HS3ST4: variants seen among roughly 807,000 people sequenced by gnomAD.
HS3ST4 encodes the protein heparan sulfate glucosamine 3-O-sulfotransferase 4.
A neutral mutation model predicts 29.2 loss-of-function variants in HS3ST4; 17 were observed. That is an observed-to-expected ratio of 0.58 (90% CI 0.40 to 0.87). The LOEUF (loss-of-function observed/expected upper bound fraction) is 0.87. Ranked by LOEUF, HS3ST4 falls within the 40% of genes least tolerant of loss-of-function variation. The pLI, the probability that HS3ST4 is intolerant of heterozygous loss-of-function variation, is 0.00. For missense variants in HS3ST4, 627 were observed against 634.5 expected (o/e 0.99, Z 0.13); for synonymous variants, 314 against 285.7 (o/e 1.10, Z -1.00).
intron 1 of HS3ST4, among the ~76,000 whole-genome samples, chr16:25,957,508 C>T (rs1968748767): frequency 1.3e-5 from 2 of 152,142 alleles, no homozygotes; most frequent in Admixed American, 6.5e-5. Context: ...ACCTCTGCCT[C>T]CTGGGTTCAA....
At chr16:25,820,108 A>G (rs8050121) in intron 1 of HS3ST4, among the ~76,000 whole-genome samples, 38,606 of 147,834 alleles carry the variant, frequency 0.26, 5,492 homozygotes, top group African/African-American at 0.31. Context: ...GAATGTGTAG[A>G]TCTCTAGAAA....
intron 1 of HS3ST4, among the ~76,000 whole-genome samples, chr16:26,027,042 T>C (rs1332110638): frequency 1.3e-5 from 2 of 152,346 alleles, no homozygotes; most frequent in Non-Finnish European, 2.9e-5. Flanking sequence ...AGAGTACCCC[T>C]GCTTATAAAT....
chr16:25,704,577 A>T (rs929560158), intron 1 of HS3ST4, among the ~76,000 whole-genome samples: 1 of 152,076 alleles, frequency 6.6e-6, no homozygotes, highest in Admixed American at 6.6e-5. Flanking sequence ...TCCTGCCTCT[A>T]GTAGCTGGAC....
intron 1 of HS3ST4, among the ~76,000 whole-genome samples, chr16:25,711,754 A>G (rs1001297919): frequency 1.7e-4 from 26 of 152,166 alleles, no homozygotes; most frequent in Non-Finnish European, 3.1e-4. Flanking sequence ...TCTGGAGTGG[A>G]AAAGCTTACG....
chr16:26,049,637 G>A (rs1421693046), intron 1 of HS3ST4, among the ~76,000 whole-genome samples: 1 of 151,980 alleles, frequency 6.6e-6, no homozygotes, highest in Non-Finnish European at 1.5e-5. Flanking sequence ...TTCTGCAGTG[G>A]ACACCAACTG....
intron 1 of HS3ST4, among the ~76,000 whole-genome samples, chr16:25,788,629 C>T (rs1313548438): frequency 7.4e-6 from 1 of 134,520 alleles, no homozygotes; most frequent in Non-Finnish European, 1.5e-5. Flanking sequence ...CAGCCTCAAA[C>T]TCCTGGGCTC....
chr16:26,103,416 C>G (rs1567312923), intron 1 of HS3ST4, among the ~76,000 whole-genome samples: 2 of 152,094 alleles, frequency 1.3e-5, no homozygotes, highest in Non-Finnish European at 2.9e-5. Context: ...AGGAAACAAT[C>G]TGGATCTGGA....
At chr16:25,834,684 G>A (rs1381226787) in intron 1 of HS3ST4, among the ~76,000 whole-genome samples, 2 of 152,130 alleles carry the variant, frequency 1.3e-5, no homozygotes, top group East Asian at 3.9e-4. Context: ...GGTGGCTCAC[G>A]CCTGTAATCC....
chr16:25,933,312 G>A (rs555244147), intron 1 of HS3ST4: 1 of 495,548 alleles, frequency 2.0e-6, no homozygotes, highest in Non-Finnish European at 4.0e-6. Context: ...ATTAGAAAAG[G>A]TTAGTTTCTC....
intron 1 of HS3ST4, among the ~76,000 whole-genome samples, chr16:25,735,963 G>T (rs554232821): frequency 2.0e-5 from 3 of 152,312 alleles, no homozygotes; most frequent in Admixed American, 6.5e-5. Context: ...AAAAAGATAT[G>T]CAGAGAGGGT....
chr16:25,719,596 T>C (rs907967504), intron 1 of HS3ST4, among the ~76,000 whole-genome samples: 4 of 152,218 alleles, frequency 2.6e-5, no homozygotes, highest in African/African-American at 9.6e-5. Flanking sequence ...ACCTGTTGGA[T>C]TTTGAACTAT....
chr16:25,834,166 T>G (rs1967334864), intron 1 of HS3ST4, among the ~76,000 whole-genome samples: 1 of 152,230 alleles, frequency 6.6e-6, no homozygotes, highest in Admixed American at 6.5e-5. Context: ...GACCTACCAC[T>G]TCTCTTAAAT....
At chr16:26,027,245 A>G (rs544544818) in intron 1 of HS3ST4, among the ~76,000 whole-genome samples, 4 of 152,300 alleles carry the variant, frequency 2.6e-5, no homozygotes, top group African/African-American at 7.2e-5. Context: ...AGAAATTTCT[A>G]TGGTTCTCAT....
chr16:25,999,898 T>A (rs1205593284), intron 1 of HS3ST4, among the ~76,000 whole-genome samples: 1 of 92,278 alleles, frequency 1.1e-5, no homozygotes, highest in East Asian at 2.5e-4. Flanking sequence ...ATATATATTT[T>A]ATATATATAT....
chr16:25,692,902 A>T lies in HS3ST4; in HGVS notation c.485A>T (p.Gln162Leu), dbSNP rs1966266597. ...AGCGCGCTGCCGGAGAGGGAAGCGC[A>T]GGAGTCCAGCACCACCGACGAGGAT... The part of the protein sequence containing the change: ...AQSALPEREA[Q>L]ESSTTDEDLA... Residue 162 changes from glutamine (Q) to leucine (L), a missense_variant, in exon 1 of 2, where the codon CAG becomes CTG. Coordinates refer to ENST00000331351, the MANE Select transcript of HS3ST4 (RefSeq NM_006040.3). 1 of 1,587,622 alleles carries T rather than the reference A, an allele frequency of 6.3e-7. No individual in the cohort carries two copies.
chr16:25,811,574 C>T (rs1310455885), intron 1 of HS3ST4, among the ~76,000 whole-genome samples: 2 of 151,744 alleles, frequency 1.3e-5, no homozygotes, highest in Non-Finnish European at 2.9e-5. Flanking sequence ...GCTGGGATTA[C>T]AGGCATGTCC....
intron 1 of HS3ST4, among the ~76,000 whole-genome samples, chr16:25,725,764 A>G (rs1966530947): frequency 1.3e-5 from 2 of 150,578 alleles, no homozygotes; most frequent in African/African-American, 4.9e-5. Flanking sequence ...TAATGAATAT[A>G]AATATACATA....
chr16:25,863,808 C>T (rs993816158), intron 1 of HS3ST4, among the ~76,000 whole-genome samples: 3 of 152,208 alleles, frequency 2.0e-5, no homozygotes, highest in Admixed American at 1.3e-4. Flanking sequence ...TCGTGCTACT[C>T]AAGAAGTCCA....
chr16:25,762,730 A>C (rs1043772583), intron 1 of HS3ST4, among the ~76,000 whole-genome samples: 1 of 151,500 alleles, frequency 6.6e-6, no homozygotes, highest in African/African-American at 2.4e-5. Flanking sequence ...ACAAACAAAC[A>C]AAAAAACCAC....
Sources: allele counts gnomAD v4.1 joint callset (sites outside exome capture counted in the v4.1 genomes callset), GRCh38; gene constraint gnomAD v4.1.1; transcripts MANE v1.5; gene names NCBI Gene and HGNC (gene_info 2026-07-23, HGNC 2026-07-21).